RARB: variants seen among roughly 807,000 people sequenced by gnomAD.
RARB encodes the protein HBV-activated protein.
A neutral mutation model predicts 51.9 loss-of-function variants in RARB; 17 were observed. The ratio of observed to expected loss-of-function variants is 0.33; its 90% confidence interval spans 0.22 to 0.49. RARB has a LOEUF of 0.49. Ranked by LOEUF, RARB falls within the 20% of genes least tolerant of loss-of-function variation. The pLI, the probability that RARB is intolerant of heterozygous loss-of-function variation, is 0.99. For missense variants in RARB, 369 were observed against 550.8 expected, an observed-to-expected ratio of 0.67 and a Z score of 3.30; for synonymous variants, 215 against 195.4, an observed-to-expected ratio of 1.10 and a Z score of -0.84.
At chr3:24,896,201 TGGAGGAAGG>T (rs1452378471) in intron 2 of RARB, among the ~76,000 whole-genome samples, 1 of 152,140 alleles carries the variant, frequency 6.6e-6, no homozygotes, top group Non-Finnish European at 1.5e-5. Context: ...TACCACAGGC[TGGAGGAAGG>T]GGAGAAAGGG....
chr3:24,892,225 A>G (rs1009626782), intron 2 of RARB, among the ~76,000 whole-genome samples: 1 of 151,860 alleles, frequency 6.6e-6, no homozygotes, highest in Non-Finnish European at 1.5e-5. Flanking sequence ...TCTTAGAAAA[A>G]AAAAAAAAAA....
intron 2 of RARB, among the ~76,000 whole-genome samples, chr3:24,906,461 G>A (rs569989052): frequency 6.6e-6 from 1 of 152,286 alleles, no homozygotes; most frequent in Admixed American, 6.5e-5. Context: ...TGTAACAAAA[G>A]TACTTGAGTG....
chr3:25,332,475 GC>G (rs1704931762), intron 5 of RARB, among the ~76,000 whole-genome samples: 2 of 152,100 alleles, frequency 1.3e-5, no homozygotes, highest in Admixed American at 1.3e-4. Flanking sequence ...GAATTCAACA[GC>G]CCTTCATGCT....
At chr3:25,148,039 C>T (rs1242828023) in intron 4 of RARB, among the ~76,000 whole-genome samples, 3 of 152,218 alleles carry the variant, frequency 2.0e-5, no homozygotes, top group Non-Finnish European at 4.4e-5. Context: ...CTACAGACTA[C>T]TGTTTATGTG....
At position 25,408,043 on chromosome 3, in the gene RARB, C is replaced by T. The variant is rs542796622; in HGVS notation, c.179-53150C>T. On this transcript the variant is annotated intron_variant, in intron 5 of 11. Transcript: ENST00000383772. ...TCATTTCCCCACTGACCTATCACTT[C>T]TTCCTTGGATCTTCCGTATAAACCA... 1.5e-3 allele frequency among the ~76,000 whole-genome samples: 227 copies of T among 152,302 alleles called. 1 individual carries two copies. Among genetic ancestry groups the T allele is most frequent in the African/African-American group, 5.2e-3 (215 of 41,562 alleles).
intron 2 of RARB, among the ~76,000 whole-genome samples, chr3:24,972,463 A>G (rs1267030063): frequency 6.6e-6 from 1 of 151,930 alleles, no homozygotes; most frequent in East Asian, 1.9e-4. Flanking sequence ...CAGTAGAGAT[A>G]TTTCTTTGCT....
intron 5 of RARB, among the ~76,000 whole-genome samples, chr3:25,246,224 A>AT (rs757852066): frequency 7.2e-5 from 11 of 151,960 alleles, no homozygotes; most frequent in Non-Finnish European, 1.5e-4. Context: ...TACTTCTAAC[A>AT]TTTTTTCAAG....
intron 2 of RARB, among the ~76,000 whole-genome samples, chr3:25,039,175 T>C (rs1393616990): frequency 2.6e-5 from 4 of 152,194 alleles, no homozygotes; most frequent in African/African-American, 9.7e-5. Flanking sequence ...TCCTATTTCA[T>C]ACACTCTGCA....
intron 2 of RARB, among the ~76,000 whole-genome samples, chr3:25,468,787 A>G (rs73820497): frequency 0.047 from 7,127 of 152,306 alleles, 560 homozygotes; most frequent in African/African-American, 0.16. Context: ...AAGAAGGGAC[A>G]GTTAGCAGGC....
chr3:25,534,936 A>G (rs554206384), intron 3 of RARB, among the ~76,000 whole-genome samples: 1 of 152,318 alleles, frequency 6.6e-6, no homozygotes, highest in East Asian at 1.9e-4. Flanking sequence ...AGCCCAGACC[A>G]TATTCTGTAT....
chr3:25,257,957 C>T (rs1020539903), intron 5 of RARB, among the ~76,000 whole-genome samples: 2 of 152,150 alleles, frequency 1.3e-5, no homozygotes, highest in South Asian at 2.1e-4. Flanking sequence ...TTCCACAGCA[C>T]TCTCTTCCTG....
intron 2 of RARB, among the ~76,000 whole-genome samples, chr3:25,046,343 T>C (rs1698213115): frequency 6.6e-6 from 1 of 152,226 alleles, no homozygotes; most frequent in African/African-American, 2.4e-5. Flanking sequence ...ACTGAGAAAC[T>C]ACAGGTCATT....
chr3:25,427,138 G>C (rs1024062147), upstream of RARB, among the ~76,000 whole-genome samples: 2 of 152,174 alleles, frequency 1.3e-5, no homozygotes, highest in African/African-American at 4.8e-5. Context: ...AAGGATGTGG[G>C]AACAGGCAAG....
chr3:25,427,899 A>AGCGG (rs1369953881), upstream of RARB, among the ~76,000 whole-genome samples: 2 of 152,184 alleles, frequency 1.3e-5, no homozygotes, highest in Non-Finnish European at 2.9e-5. Flanking sequence ...GCGGGAGGCG[A>AGCGG]GCGGGCGCAG....
intron 2 of RARB, among the ~76,000 whole-genome samples, chr3:24,951,158 C>A (rs777264726): frequency 1.3e-5 from 2 of 152,186 alleles, no homozygotes; most frequent in African/African-American, 2.4e-5. Flanking sequence ...GCTTTATGTG[C>A]ACACTCTTAC....
chr3:25,050,488 C>T (rs1698308552), intron 2 of RARB, among the ~76,000 whole-genome samples: 3 of 152,042 alleles, frequency 2.0e-5, no homozygotes, highest in South Asian at 2.1e-4. Flanking sequence ...ATTTGATTTT[C>T]GAGAAAAAGT....
intron 5 of RARB, among the ~76,000 whole-genome samples, chr3:25,403,293 G>C (rs1387354935): frequency 6.6e-6 from 1 of 152,050 alleles, no homozygotes; most frequent in East Asian, 1.9e-4. Flanking sequence ...AATGATAAAT[G>C]CTTGAGGGGA....
chr3:24,886,740 G>C (rs958964781), intron 2 of RARB, among the ~76,000 whole-genome samples: 10 of 152,038 alleles, frequency 6.6e-5, no homozygotes, highest in Non-Finnish European at 1.5e-4. Flanking sequence ...CTAACCTGTA[G>C]ATGAAACTTG....
intron 5 of RARB, among the ~76,000 whole-genome samples, chr3:25,409,675 A>G (rs1012632205): frequency 1.3e-5 from 2 of 152,186 alleles, no homozygotes; most frequent in African/African-American, 4.8e-5. Context: ...ATTACAAAGG[A>G]CTTTGTGTTG....
Sources: gnomAD v4.1 joint callset for allele counts (sites outside exome capture counted in the v4.1 genomes callset) on GRCh38, gnomAD v4.1.1 for gene constraint, MANE v1.5 for transcripts, NCBI Gene and HGNC (gene_info 2026-07-23, HGNC 2026-07-21) for gene names.